SLURP2: variants seen among roughly 807,000 people sequenced by gnomAD.
SLURP2 encodes the protein secreted Ly-6/uPAR domain-containing protein 2.
In SLURP2, 4 loss-of-function variants were observed where a neutral mutation model predicts 9.8. That is an observed-to-expected ratio of 0.41 (90% confidence interval 0.20 to 0.94). The LOEUF (loss-of-function observed/expected upper bound fraction) is 0.94. SLURP2 is among the 40% of genes least tolerant of loss of function. SLURP2 has a pLI of 0.32. For missense variants in SLURP2, 118 were observed against 126.4 expected (o/e 0.93, Z 0.32); for synonymous variants, 58 against 56.2 (o/e 1.03, Z -0.15).
chr8:142,764,973 T>A, intron 2 of SLURP2, 63 bp downstream of exon 2: 1 of 1,411,438 alleles, frequency 7.1e-7, no homozygotes, highest in Non-Finnish European at 9.8e-7. Flanking sequence ...TGTCACCCTC[T>A]GAGCCCACAT....
chr8:142,769,073 G>A (rs1815090304), intron 1 of SLURP2, among the ~76,000 whole-genome samples: 1 of 152,086 alleles, frequency 6.6e-6, no homozygotes, highest in Admixed American at 6.5e-5. Flanking sequence ...AGACGTTCAG[G>A]CTCTGCTGGG....
In SLURP2 at chr8:142,765,153, G is replaced by C. The variant is rs1195136841; in HGVS notation, c.53-13C>G. 6.3e-7 allele frequency: 1 copy of C among 1,598,158 alleles called. No individual in the cohort carries two copies. Among genetic ancestry groups the C allele is most frequent in the African/African-American group, 1.3e-5 (1 of 74,698 alleles). ...GCTTCGGCTGCAGCTGCGGACATGG[G>C]GACAGACAGGACACAAACGGATGGG... On this transcript the variant is annotated splice_polypyrimidine_tract_variant and intron_variant, in intron 1 of 2. Transcript: ENST00000317543.
At position 142,768,840 on chromosome 8, in the gene SLURP2, C is replaced by T. The variant is rs1229155698; in HGVS notation, c.52+915G>A. Among the ~76,000 whole-genome samples, 3 of 152,098 alleles carry T rather than the reference C, an allele frequency of 2.0e-5. No individual in the cohort carries two copies. The highest frequency in any genetic ancestry group is 4.4e-5 in the Non-Finnish European group (3 of 67,992). ...GGAGACTGGAGGGATGTAAGAGACA[C>T]CTGAGCCAGCGCCAGGGACTCACCG... On this transcript the variant is annotated intron_variant, in intron 1 of 2. Coordinates refer to ENST00000317543, the MANE Select transcript of SLURP2 (RefSeq NM_177458.3). This position sits in a 1 kb window ranked among gnomAD's most constrained non-coding sequence, Gnocchi z 4.8.
In SLURP2 at chr8:142,769,524, G is replaced by C. The variant is rs1342114179; in HGVS notation, c.52+231C>G. ...AGAGGAAGAGGGGGGTTTGAGCCAA[G>C]GGCTGTGCATCCTGAGAAGTGTGGG... On this transcript the variant is annotated intron_variant, in intron 1 of 2. Transcript: ENST00000317543. 2.7e-5 allele frequency among the ~76,000 whole-genome samples: 4 copies of C among 146,380 alleles called. No individual in the cohort carries two copies. In the East Asian group the frequency reaches 8.5e-4, roughly 31 times the overall value.
chr8:142,767,946 G>T (rs1815054332), intron 1 of SLURP2, among the ~76,000 whole-genome samples: 2 of 151,330 alleles, frequency 1.3e-5, no homozygotes, highest in African/African-American at 2.4e-5. Context: ...TCCGGGGGTG[G>T]TTGCAGGTTG....
chr8:142,764,655 G>A lies in SLURP2; in HGVS notation c.244C>T (p.Pro82Ser). 1 of 1,610,432 alleles carries A rather than the reference G, an allele frequency of 6.2e-7. No homozygotes were observed. The highest frequency in any genetic ancestry group is 8.5e-7 in the Non-Finnish European group (1 of 1,178,920). Reference protein sequence around the residue: ...CPDIPSLGLGPYVSIACCQTS... With the variant: ...CPDIPSLGLGSYVSIACCQTS... ...TGGCAGCAAGCGATGGATACGTAGG[G>A]GCCCAGGCCCAGGCTGGGGATATCG... is the stretch of plus-strand genomic sequence containing the variant. Residue 82 changes from proline to serine, a missense_variant, in exon 3 of 3, where the codon CCC becomes TCC. Pro to Ser is a moderately conservative substitution (Grantham distance 74, BLOSUM62 -1). Transcript: ENST00000317543.
intron 1 of SLURP2, 23 bp downstream of exon 1, chr8:142,769,732 G>T (rs1039044642): frequency 2.9e-5 from 46 of 1,594,852 alleles, no homozygotes; most frequent in Non-Finnish European, 3.8e-5. Context: ...TGAGCAGGAG[G>T]TGGCCCCAGC....
intron 1 of SLURP2, among the ~76,000 whole-genome samples, chr8:142,766,944 C>T (rs961823827): frequency 5.9e-5 from 9 of 152,194 alleles, no homozygotes; most frequent in South Asian, 2.1e-4. Context: ...GACACAGGAG[C>T]CCACGCCTGC....
In SLURP2 at chr8:142,768,364, G is replaced by C. The variant is rs117409138; in HGVS notation, c.52+1391C>G. On this transcript the variant is annotated intron_variant, in intron 1 of 2. Transcript: ENST00000317543. The surrounding 1 kb of genome is among the most constrained non-coding windows in gnomAD (Gnocchi z 4.8). Reference sequence around the variant, plus strand: ...TGGCTCTGAAGCAGGCTGGCCCCTCGGGGAGATTGTGCTGTCCATGTATGG... The same window carrying C: ...TGGCTCTGAAGCAGGCTGGCCCCTCCGGGAGATTGTGCTGTCCATGTATGG... 6.6e-6 allele frequency among the ~76,000 whole-genome samples: 1 copy of C among 152,052 alleles called. No homozygotes were observed. The highest frequency in any genetic ancestry group is 2.4e-5 in the African/African-American group (1 of 41,408).
At chr8:142,767,648 C>T (rs1815045932) in intron 1 of SLURP2, among the ~76,000 whole-genome samples, 1 of 152,190 alleles carries the variant, frequency 6.6e-6, no homozygotes, top group African/African-American at 2.4e-5. Context: ...AATGCCACCC[C>T]CTCCAGGAAG....
rs1171208223 is a variant in SLURP2, at chr8:142,769,774, G to A, written c.33C>T (p.Ala11=). The change falls in exon 1 of 3, where the codon GCC becomes GCT. Residue 11 remains alanine (A), a synonymous_variant. Transcript: ENST00000317543. MQLGTGLLLA[A]VLSLQLAAAE... ...ACTCACCCAGCTGCAGGCTCAGGAC[G>A]GCGGCCAGCAGGAGCCCAGTGCCGA... 1.0e-5 allele frequency: 16 copies of A among 1,602,824 alleles called. No homozygotes were observed. The highest frequency in any genetic ancestry group is 1.7e-5 in the Admixed American group (1 of 58,208).
rs920872982 is a variant in SLURP2, at chr8:142,764,389, G to C, written c.*216C>G. 1.8e-5 allele frequency: 12 copies of C among 665,486 alleles called. No homozygotes were observed. Among genetic ancestry groups the C allele is most frequent in the Non-Finnish European group, 2.9e-5 (11 of 374,838 alleles). 41.2% of individuals were successfully genotyped at this position (665,486 alleles called of 1,614,324 possible). On this transcript the variant is annotated 3_prime_UTR_variant, in exon 3 of 3. Transcript: ENST00000317543. ...TATTGTGGGGAGGTCGGGACCTGAA[G>C]GGGCGGCAGGCACGATGGGCCCCAG...
At chr8:142,767,934 A>G (rs1490117600) in intron 1 of SLURP2, among the ~76,000 whole-genome samples, 1 of 149,028 alleles carries the variant, frequency 6.7e-6, no homozygotes, top group African/African-American at 2.5e-5. Context: ...GAATGAATGA[A>G]TTCCGGGGGT....
rs991939695 is a variant in SLURP2 at position 142,768,444 on chromosome 8, C to T, written c.52+1311G>A. Among the ~76,000 whole-genome samples, 8 of 152,014 alleles carry T rather than the reference C, an allele frequency of 5.3e-5. No homozygotes were observed. Among genetic ancestry groups the T allele is most frequent in the South Asian group, 2.1e-4 (1 of 4,830 alleles). On this transcript the variant is annotated intron_variant, in intron 1 of 2. Transcript: ENST00000317543. The surrounding 1 kb of genome is among the most constrained non-coding windows in gnomAD (Gnocchi z 4.8). ...GATGCAGGTGCCCCTGAGAGAGGCT[C>T]GCCAGTCCTCCAACCGGAAGAGCAG...
chr8:142,765,937 T>C (rs986027801), intron 1 of SLURP2, among the ~76,000 whole-genome samples: 7 of 148,724 alleles, frequency 4.7e-5, no homozygotes, highest in African/African-American at 1.7e-4. Context: ...CACTCGAGCC[T>C]GGGCGACAGA....
At chr8:142,767,900 A>AATGAATG (rs587737848) in intron 1 of SLURP2, among the ~76,000 whole-genome samples, 2 of 140,660 alleles carry the variant, frequency 1.4e-5, no homozygotes, top group African/African-American at 5.1e-5. Context: ...ATGAATGAAT[A>AATGAATG]AATGAATGAA....
intron 1 of SLURP2, among the ~76,000 whole-genome samples, chr8:142,769,008 G>A (rs1295811357): frequency 2.6e-5 from 4 of 152,076 alleles, no homozygotes; most frequent in Non-Finnish European, 4.4e-5. Flanking sequence ...AGATCAAGGG[G>A]CCAGCTGGTT....
rs1225345106 is a variant in SLURP2 at position 142,764,741 on chromosome 8, C to G, written c.158G>C (p.Arg53Pro). 1 of 1,613,082 alleles carries G rather than the reference C, an allele frequency of 6.2e-7. No individual in the cohort carries two copies. The change falls in exon 3 of 3, where the codon CGG (arginine) becomes CCG (proline). Residue 53 changes from arginine to proline, a missense_variant and splice_region_variant. Arg to Pro is a moderately radical substitution (Grantham distance 103). Transcript: ENST00000317543. ...CAAATCCTCGGTGTTGCTGAGGACCCCTGAGTGGGCAGGAGAGAAACCATG... is the reference window on the plus strand; with the variant it reads ...CAAATCCTCGGTGTTGCTGAGGACCGCTGAGTGGGCAGGAGAGAAACCATG... ...DSTHCVTTAT[R>P]VLSNTEDLPL...
chr8:142,765,180 G>A (rs1204325049), intron 1 of SLURP2, 40 bp from the exon 2 acceptor site: 1 of 1,501,210 alleles, frequency 6.7e-7, no homozygotes, highest in South Asian at 1.2e-5. Flanking sequence ...ACGGATGGGA[G>A]GCAGGTGTGG....
Sources: gnomAD v4.1 joint callset for allele counts (sites outside exome capture counted in the v4.1 genomes callset) on GRCh38, gnomAD v4.1.1 for gene constraint, Gnocchi (gnomAD v3.1) non-coding constraint, MANE v1.5 for transcripts, NCBI Gene and HGNC (gene_info 2026-07-23, HGNC 2026-07-21) for gene names.